CFAP20DC: variants seen among roughly 807,000 people sequenced by gnomAD.
CFAP20DC encodes the protein protein CFAP20DC.
A neutral mutation model predicts 101.7 loss-of-function variants in CFAP20DC; 84 were observed. The observed-to-expected ratio is 0.83, with a 90% CI of 0.69 to 0.99. The LOEUF (loss-of-function observed/expected upper bound fraction) is 0.99, where lower values mean the gene tolerates loss of function less well. CFAP20DC is among the 50% of genes least tolerant of loss of function. The pLI is 0.00. For missense variants in CFAP20DC, 1,007 were observed against 970.3 expected, an observed-to-expected ratio of 1.04 and a Z score of -0.50; for synonymous variants, 359 against 351.2, an observed-to-expected ratio of 1.02 and a Z score of -0.25.
chr3:58,757,092 C>A (rs1355198484), intron 15 of CFAP20DC, among the ~76,000 whole-genome samples: 1 of 151,924 alleles, frequency 6.6e-6, no homozygotes, highest in Admixed American at 6.6e-5. Context: ...AGTGGGATTC[C>A]CAGAACAAAA....
intron 4 of CFAP20DC, among the ~76,000 whole-genome samples, chr3:58,997,891 G>C (rs1559965384): frequency 6.6e-6 from 1 of 152,114 alleles, no homozygotes. Flanking sequence ...TGGGTATAGG[G>C]GGGTCCAGCA....
At position 58,722,090 on chromosome 3, in the gene CFAP20DC, C is replaced by T. The variant is rs539251055; in HGVS notation, c.198-4462G>A. On this transcript the variant is annotated intron_variant, in intron 3 of 3. Coordinates refer to the CFAP20DC transcript ENST00000486145. The surrounding 1 kb of genome is among the most constrained non-coding windows in gnomAD (Gnocchi z 4.5). ...GCTTTCTGGATGCTCCTCTTGGGAG[C>T]CAGCTGCCATTCTGGGAGAGAGTCA... is the stretch of plus-strand genomic sequence containing the variant. Among the ~76,000 whole-genome samples, 1 of 152,304 alleles carries T rather than the reference C, an allele frequency of 6.6e-6. No homozygotes were observed. Among genetic ancestry groups the T allele is most frequent in the South Asian group, 2.1e-4 (1 of 4,824 alleles).
At chr3:58,845,506 T>C (rs1334814512) in intron 13 of CFAP20DC, among the ~76,000 whole-genome samples, 1 of 150,148 alleles carries the variant, frequency 6.7e-6, no homozygotes. Context: ...GGAGCTGAAA[T>C]TGTGGCAATA....
At chr3:58,841,066 G>C (rs953593362) in intron 13 of CFAP20DC, among the ~76,000 whole-genome samples, 1 of 152,212 alleles carries the variant, frequency 6.6e-6, no homozygotes, top group African/African-American at 2.4e-5. Context: ...AAATGACCTA[G>C]AGCAGCATGA....
chr3:58,764,443 C>A (rs2070059829), intron 15 of CFAP20DC, among the ~76,000 whole-genome samples: 1 of 152,150 alleles, frequency 6.6e-6, no homozygotes, highest in Non-Finnish European at 1.5e-5. Context: ...TCACCCCTTT[C>A]TTTGACTAGG....
At chr3:59,026,522 A>G (rs938561619) in intron 4 of CFAP20DC, among the ~76,000 whole-genome samples, 1 of 152,232 alleles carries the variant, frequency 6.6e-6, no homozygotes, top group African/African-American at 2.4e-5. Context: ...AGAGTTGTGC[A>G]TAGTTACATG....
intron 4 of CFAP20DC, among the ~76,000 whole-genome samples, chr3:59,003,967 G>A (rs1372942731): frequency 6.6e-6 from 1 of 152,172 alleles, no homozygotes; most frequent in Non-Finnish European, 1.5e-5. Flanking sequence ...TCTTCTCTTT[G>A]TGAAACATAC....
chr3:58,931,479 TCCCTGAC>T (rs1173511072), intron 5 of CFAP20DC, among the ~76,000 whole-genome samples: 2 of 151,666 alleles, frequency 1.3e-5, no homozygotes, highest in African/African-American at 2.4e-5. Flanking sequence ...CTCAAGTGGG[TCCCTGAC>T]CCCTGACCCC....
At chr3:58,993,287 G>A (rs192981624) in intron 4 of CFAP20DC, among the ~76,000 whole-genome samples, 131 of 152,052 alleles carry the variant, frequency 8.6e-4, no homozygotes, top group Non-Finnish European at 1.3e-3. Context: ...CATTCTGTCC[G>A]TGATTCAGAA....
At chr3:58,806,839 C>G (rs973716387) in intron 14 of CFAP20DC, among the ~76,000 whole-genome samples, 1 of 152,162 alleles carries the variant, frequency 6.6e-6, no homozygotes, top group Non-Finnish European at 1.5e-5. Context: ...ACAGATGGCA[C>G]CTGGAAAATC....
rs575537988 is a variant in CFAP20DC, at chr3:58,744,903, C to T, written c.2333-2331G>A. ...TTTTGTAGATGAACTGTGCTTAGAA[C>T]AGGGGACCAGATCCAATGATCCCTG... On this transcript the variant is annotated intron_variant, in intron 16 of 16. Coordinates refer to ENST00000482387, the MANE Select transcript of CFAP20DC (RefSeq NM_001394063.1). 2.0e-5 allele frequency among the ~76,000 whole-genome samples: 3 copies of T among 152,284 alleles called. No individual in the cohort carries two copies. In the East Asian group the frequency reaches 5.8e-4, roughly 29 times the overall value.
intron 14 of CFAP20DC, among the ~76,000 whole-genome samples, chr3:58,811,397 G>A (rs1236748747): frequency 1.8e-4 from 27 of 151,860 alleles, no homozygotes; most frequent in Admixed American, 1.6e-3. Context: ...CAGAAATAAC[G>A]CCGCATATCT....
Position 58,914,440 on chromosome 3 carries a change from G to A in CFAP20DC, c.394-576C>T, listed in dbSNP as rs559271729. On this transcript the variant is annotated intron_variant, in intron 5 of 16. Transcript: ENST00000482387. This position sits in a 1 kb window ranked among gnomAD's most constrained non-coding sequence, Gnocchi z 4.9. ...TACTCTTGCAGGGACTAATTTCTGC[G>A]CATTAAATAATTAGGCCCCTCAATA... is the stretch of plus-strand genomic sequence containing the variant. Among the ~76,000 whole-genome samples the A allele has an allele frequency of 1.4e-3, 214 of 151,850 alleles. No homozygotes were observed. The highest frequency in any genetic ancestry group is 4.8e-3 in the African/African-American group (199 of 41,414).
At chr3:58,851,312 T>C (rs564348019) in intron 12 of CFAP20DC, among the ~76,000 whole-genome samples, 5 of 152,228 alleles carry the variant, frequency 3.3e-5, no homozygotes, top group Admixed American at 6.5e-5. Flanking sequence ...CAGTAGACTA[T>C]TGTATTGTTA....
chr3:58,855,075 G>A (rs1362783531), intron 12 of CFAP20DC, among the ~76,000 whole-genome samples: 23 of 148,898 alleles, frequency 1.5e-4, no homozygotes, highest in African/African-American at 3.2e-4. Flanking sequence ...GAAAATTTTC[G>A]CAACCTACTC....
intron 15 of CFAP20DC, among the ~76,000 whole-genome samples, chr3:58,759,358 A>G (rs1215970567): frequency 2.0e-5 from 3 of 152,120 alleles, no homozygotes; most frequent in Non-Finnish European, 4.4e-5. Flanking sequence ...GTCTGTTCAT[A>G]TCCTTCACCC....
chr3:58,772,096 G>C (rs187497594), intron 15 of CFAP20DC, among the ~76,000 whole-genome samples: 1 of 152,292 alleles, frequency 6.6e-6, no homozygotes, highest in Non-Finnish European at 1.5e-5. Context: ...GAAATTTCCA[G>C]AGAAATTTTG....
intron 14 of CFAP20DC, among the ~76,000 whole-genome samples, chr3:58,813,524 G>A (rs1285114658): frequency 6.6e-6 from 1 of 151,904 alleles, no homozygotes; most frequent in African/African-American, 2.4e-5. Flanking sequence ...CCATCATAAT[G>A]TGGCCCCTGA....
At chr3:58,760,893 T>C (rs1196258735) in intron 15 of CFAP20DC, among the ~76,000 whole-genome samples, 1 of 152,214 alleles carries the variant, frequency 6.6e-6, no homozygotes, top group Non-Finnish European at 1.5e-5. Context: ...GCCCACTTGA[T>C]CATGGTGGAT....
Sources: allele counts gnomAD v4.1 joint callset (sites outside exome capture counted in the v4.1 genomes callset), GRCh38; gene constraint gnomAD v4.1.1; non-coding constraint Gnocchi (gnomAD v3.1); transcripts MANE v1.5; gene names NCBI Gene and HGNC (gene_info 2026-07-23, HGNC 2026-07-21).